Variants in AP4S1 observed in about 807,000 individuals in gnomAD.
The protein encoded by AP4S1 is AP-4 complex subunit sigma-1.
In AP4S1, 23 loss-of-function variants were observed where a neutral mutation model predicts 19.8. That is an observed-to-expected ratio of 1.16 (90% CI 0.84 to 1.65). AP4S1 has a LOEUF of 1.65. Among genes scored for constraint, AP4S1 ranks in the 40% most tolerant of loss-of-function variants. The pLI is 0.00. For synonymous variants in AP4S1, 46 were observed against 54.1 expected, an observed-to-expected ratio of 0.85 and a Z score of 0.66; for missense variants, 166 against 172.8, an observed-to-expected ratio of 0.96 and a Z score of 0.22.
At chr14:31,025,324 T>C (rs1054871823), upstream of AP4S1, 5 of 155,238 alleles carry the variant, frequency 3.2e-5, no homozygotes, top group African/African-American at 7.2e-5. Context: ...AAGTTGACGA[T>C]GGGAAATAAA....
intron 5 of AP4S1, among the ~76,000 whole-genome samples, chr14:31,084,486 A>C (rs2076321249): frequency 6.6e-6 from 1 of 152,256 alleles, no homozygotes; most frequent in Non-Finnish European, 1.5e-5. Context: ...ATCAGGACAG[A>C]AACTCTGGCT....
At chr14:31,064,280 G>A (rs1477695934) in intron 1 of AP4S1, among the ~76,000 whole-genome samples, 1 of 151,646 alleles carries the variant, frequency 6.6e-6, no homozygotes, top group Non-Finnish European at 1.5e-5. Context: ...TAAGAGTCTT[G>A]CTCTGTCACC....
At chr14:31,050,055 G>A (rs1179156059) in intron 1 of AP4S1, among the ~76,000 whole-genome samples, 1 of 152,170 alleles carries the variant, frequency 6.6e-6, no homozygotes, top group Non-Finnish European at 1.5e-5. Flanking sequence ...CTGAGTAGCT[G>A]GGATTACAGG....
Position 31,032,085 on chromosome 14 carries a change from A to G in AP4S1, c.-72+6298A>G, listed in dbSNP as rs1299183093. ...AGACCTTGTCCCAAAAAAAAAAAAA[A>G]AAAAAAGAAAAAAGAGCTGGGCGCG... On this transcript the variant is annotated intron_variant, in intron 1 of 5. Transcript: ENST00000542754. Among the ~76,000 whole-genome samples the G allele has an allele frequency of 1.6e-4, 23 of 143,944 alleles. No individual in the cohort carries two copies. In the East Asian group the frequency reaches 2.2e-3, roughly 13 times the overall value. The allele number at this position is 143,944 out of a possible 152,430, so 94.4% of individuals were successfully genotyped here.
At chr14:31,025,326 GGAAAT>G (rs1883760010), upstream of AP4S1, 1 of 155,450 alleles carries the variant, frequency 6.4e-6, no homozygotes, top group Non-Finnish European at 1.4e-5. Flanking sequence ...GTTGACGATG[GGAAAT>G]AAAACTTCAC....
rs560516447 is a variant in AP4S1 at position 31,073,834 on chromosome 14, G to A, written c.294+861G>A. 3.8e-4 allele frequency among the ~76,000 whole-genome samples: 57 copies of A among 150,768 alleles called. No homozygotes were observed. The South Asian group carries it at 4.7e-3, about 13-fold the overall frequency. ...GCTGGGATTACAGGCGTGAGCCACCGTGCCTGGCCCCCTCTGCCTTATTTC... is the reference window on the plus strand; with the variant it reads ...GCTGGGATTACAGGCGTGAGCCACCATGCCTGGCCCCCTCTGCCTTATTTC... On this transcript the variant is annotated intron_variant, in intron 4 of 5. Coordinates refer to ENST00000542754, the MANE Select transcript of AP4S1 (RefSeq NM_001128126.3).
intron 1 of AP4S1, chr14:31,026,582 G>T: frequency 5.8e-6 from 1 of 171,550 alleles, no homozygotes. Context: ...CGCCGTTAGA[G>T]GGCGGGGAAA....
At chr14:31,032,707 T>C (rs1179723928) in intron 1 of AP4S1, among the ~76,000 whole-genome samples, 1 of 152,004 alleles carries the variant, frequency 6.6e-6, no homozygotes, top group Non-Finnish European at 1.5e-5. Flanking sequence ...GGCTAATTTT[T>C]CTATTTTTAG....
intron 5 of AP4S1, among the ~76,000 whole-genome samples, chr14:31,084,563 C>G (rs768304211): frequency 3.3e-5 from 5 of 152,188 alleles, no homozygotes; most frequent in Non-Finnish European, 7.3e-5. Context: ...GGGCTGCCCC[C>G]TTGGGACCAA....
At chr14:31,080,932 C>A (rs1013507176) in intron 5 of AP4S1, among the ~76,000 whole-genome samples, 3 of 152,104 alleles carry the variant, frequency 2.0e-5, no homozygotes, top group Non-Finnish European at 4.4e-5. Context: ...TGAGGCATTA[C>A]GGGCGCCCAC....
chr14:31,065,640 TA>T (rs1566531928), intron 1 of AP4S1, among the ~76,000 whole-genome samples: 4 of 152,190 alleles, frequency 2.6e-5, no homozygotes, highest in African/African-American at 7.2e-5. Context: ...CATTGGTTTT[TA>T]TTTTTTTATT....
chr14:31,071,781 C>T (rs1268609502), intron 3 of AP4S1, among the ~76,000 whole-genome samples: 2 of 152,162 alleles, frequency 1.3e-5, no homozygotes, highest in African/African-American at 4.8e-5. Flanking sequence ...ACCTTCACGT[C>T]TCACTGCAGC....
chr14:31,073,698 G>A (rs897865669), intron 4 of AP4S1, among the ~76,000 whole-genome samples: 2 of 151,004 alleles, frequency 1.3e-5, no homozygotes, highest in African/African-American at 4.9e-5. Context: ...GTGCCACCAC[G>A]CCCAGCTAAT....
At chr14:31,075,554 C>T (rs1296417807) in intron 4 of AP4S1, among the ~76,000 whole-genome samples, 1 of 152,012 alleles carries the variant, frequency 6.6e-6, no homozygotes, top group East Asian at 1.9e-4. Context: ...AATCTACTTT[C>T]TGTGTCTATA....
chr14:31,063,749 C>A (rs916513148), intron 1 of AP4S1, among the ~76,000 whole-genome samples: 2 of 152,098 alleles, frequency 1.3e-5, no homozygotes, highest in Admixed American at 6.6e-5. Context: ...GTGGAAGAAT[C>A]GATGAACTCT....
chr14:31,070,299 G>A lies in AP4S1; in HGVS notation c.225+370G>A, dbSNP rs367811988. On this transcript the variant is annotated intron_variant, in intron 3 of 5. Transcript: ENST00000542754. ...TTTAAGAGACAGGCTAGAGTGCAATGGCACAGTCATAGCTCACTGCAGCCT... is the reference window on the plus strand; with the variant it reads ...TTTAAGAGACAGGCTAGAGTGCAATAGCACAGTCATAGCTCACTGCAGCCT... Among the ~76,000 whole-genome samples the A allele has an allele frequency of 2.0e-5, 3 of 152,142 alleles. No individual in the cohort carries two copies. In the East Asian group the frequency reaches 5.8e-4, roughly 29 times the overall value.
chr14:31,053,589 C>CTTTT lies in AP4S1; in HGVS notation c.-71-12511_-71-12508dup, dbSNP rs758966011. Among the ~76,000 whole-genome samples the CTTTT allele has an allele frequency of 7.2e-3, 511 of 71,220 alleles. 1 individual carries two copies. The highest frequency in any genetic ancestry group is 7.9e-3 in the Non-Finnish European group (326 of 41,158). 46.7% of individuals were successfully genotyped at this position (71,220 alleles called of 152,430 possible). A position where few individuals can be genotyped will look rare whatever the true frequency, so the allele number is the denominator to read the frequency against. On this transcript the variant is annotated intron_variant, in intron 1 of 5. Transcript: ENST00000542754. Reference sequence around the variant, plus strand: ...AACACATCTTTTTAGTGACTTTTTTCTTTTTTTTTTTTTTTTTTTTTTTTT... The same window carrying CTTTT: ...AACACATCTTTTTAGTGACTTTTTTCTTTTTTTTTTTTTTTTTTTTTTTTTTTTT...
chr14:31,079,046 G>A (rs1887505052), intron 4 of AP4S1, among the ~76,000 whole-genome samples: 1 of 152,152 alleles, frequency 6.6e-6, no homozygotes, highest in South Asian at 2.1e-4. Flanking sequence ...AAGCATCTCA[G>A]CATCACATTT....
chr14:31,046,321 A>G (rs187171557), intron 1 of AP4S1, among the ~76,000 whole-genome samples: 6 of 152,192 alleles, frequency 3.9e-5, no homozygotes, highest in South Asian at 2.1e-4. Context: ...GGTAGCCACT[A>G]ATCTACTTTC....
Sources: allele counts gnomAD v4.1 joint callset (sites outside exome capture counted in the v4.1 genomes callset), GRCh38; gene constraint gnomAD v4.1.1; transcripts MANE v1.5; gene names NCBI Gene and HGNC (gene_info 2026-07-23, HGNC 2026-07-21).